Variants in SLC10A7 observed in about 807,000 individuals in gnomAD.
The protein encoded by SLC10A7 is sodium/bile acid cotransporter 7.
In SLC10A7, 29 loss-of-function variants were observed where a neutral mutation model predicts 43.2. That is an observed-to-expected ratio of 0.67 (90% CI 0.50 to 0.92). The LOEUF is 0.92. SLC10A7 is among the 40% of genes least tolerant of loss of function. The probability of loss-of-function intolerance (pLI) is 0.00; values close to 1 mark genes in which losing one functional copy is unlikely to be tolerated. For synonymous variants in SLC10A7, 152 were observed against 144.8 expected (o/e 1.05, Z -0.35); for missense variants, 295 against 403.2 (o/e 0.73, Z 2.30).
intron 3 of SLC10A7, among the ~76,000 whole-genome samples, chr4:146,504,487 C>T (rs1736714854): frequency 7.2e-6 from 1 of 138,692 alleles, no homozygotes; most frequent in Non-Finnish European, 1.5e-5. Context: ...CCACTGCAGT[C>T]CAGCCTGGGC....
At chr4:146,441,239 A>G (rs1730574155) in intron 5 of SLC10A7, among the ~76,000 whole-genome samples, 1 of 152,222 alleles carries the variant, frequency 6.6e-6, no homozygotes, top group African/African-American at 2.4e-5. Flanking sequence ...GGAGTGAAAG[A>G]GCACAATACA....
At chr4:146,277,359 T>A (rs765716341) in intron 10 of SLC10A7, among the ~76,000 whole-genome samples, 18 of 152,166 alleles carry the variant, frequency 1.2e-4, no homozygotes, top group Non-Finnish European at 2.5e-4. Context: ...CTAGCAATGA[T>A]TTTCAGATAC....
intron 5 of SLC10A7, among the ~76,000 whole-genome samples, chr4:146,410,711 T>C (rs1363813557): frequency 6.6e-6 from 1 of 152,102 alleles, no homozygotes; most frequent in Non-Finnish European, 1.5e-5. Context: ...AAAAGAAAAA[T>C]ATTTTAAACC....
At chr4:146,344,375 C>T (rs915826927) in intron 5 of SLC10A7, among the ~76,000 whole-genome samples, 8 of 152,012 alleles carry the variant, frequency 5.3e-5, no homozygotes, top group African/African-American at 1.2e-4. Context: ...AACAGATACA[C>T]GGAAGAAGCG....
chr4:146,388,069 A>G lies in SLC10A7; in HGVS notation c.435+54714T>C, dbSNP rs545314720. Reference sequence around the variant, plus strand: ...CATCATTTTTCACAGAATTAGAAAAACAATTCTAAAATTCACAGGGAACTA... The same window carrying G: ...CATCATTTTTCACAGAATTAGAAAAGCAATTCTAAAATTCACAGGGAACTA... On this transcript the variant is annotated intron_variant, in intron 5 of 11. Transcript: ENST00000335472. Among the ~76,000 whole-genome samples the G allele has an allele frequency of 2.0e-5, 3 of 152,336 alleles. No homozygotes were observed. The South Asian group carries it at 6.2e-4, about 32-fold the overall frequency.
intron 6 of SLC10A7, among the ~76,000 whole-genome samples, chr4:146,311,337 C>T (rs1731965833): frequency 6.6e-6 from 1 of 152,144 alleles, no homozygotes; most frequent in Non-Finnish European, 1.5e-5. Flanking sequence ...TCACAGTTAT[C>T]AACCTACAGT....
At chr4:146,519,335 A>G (rs1043249932) in intron 1 of SLC10A7, among the ~76,000 whole-genome samples, 158 of 145,616 alleles carry the variant, frequency 1.1e-3, no homozygotes, top group African/African-American at 3.9e-3. Context: ...AACATAATAT[A>G]TAATATTATC....
rs540858467 is a variant in SLC10A7, at chr4:146,291,651, T to C, written c.773+1278A>G. 2.8e-3 allele frequency among the ~76,000 whole-genome samples: 429 copies of C among 152,314 alleles called. 1 individual carries two copies. The highest frequency in any genetic ancestry group is 9.7e-3 in the African/African-American group (402 of 41,580). On this transcript the variant is annotated intron_variant, in intron 9 of 11. Transcript: ENST00000335472. ...GTCTCACCATATCTTGATTTTTGTATGTGTCCACATTTGCATTATTGCTTC... is the reference window on the plus strand; with the variant it reads ...GTCTCACCATATCTTGATTTTTGTACGTGTCCACATTTGCATTATTGCTTC...
At chr4:146,384,750 T>C (rs1171303292) in intron 5 of SLC10A7, among the ~76,000 whole-genome samples, 1 of 152,016 alleles carries the variant, frequency 6.6e-6, no homozygotes, top group Non-Finnish European at 1.5e-5. Context: ...TAATCCCCAA[T>C]GTTGGAGGTG....
intron 5 of SLC10A7, among the ~76,000 whole-genome samples, chr4:146,437,442 A>G (rs947791468): frequency 6.6e-5 from 10 of 152,110 alleles, no homozygotes; most frequent in Non-Finnish European, 1.5e-4. Context: ...CATCTATAAG[A>G]TGGTACTGAA....
At chr4:146,399,399 A>ATCCC (rs1739063846) in intron 5 of SLC10A7, among the ~76,000 whole-genome samples, 1 of 152,322 alleles carries the variant, frequency 6.6e-6, no homozygotes, top group South Asian at 2.1e-4. Context: ...AAGAGTTGGG[A>ATCCC]GAGAGTATGG....
chr4:146,409,415 A>G (rs1287362933), intron 5 of SLC10A7, among the ~76,000 whole-genome samples: 2 of 151,634 alleles, frequency 1.3e-5, no homozygotes, highest in East Asian at 3.9e-4. Flanking sequence ...TGGAAAAGGC[A>G]AAACTAAAGG....
intron 5 of SLC10A7, among the ~76,000 whole-genome samples, chr4:146,352,450 C>A (rs1317244042): frequency 7.4e-6 from 1 of 135,218 alleles, no homozygotes; most frequent in Non-Finnish European, 1.6e-5. Context: ...GACTTTAACA[C>A]CCCACTGTCA....
intron 4 of SLC10A7, 98 bp from the exon 5 acceptor site, chr4:146,442,919 C>T: frequency 1.1e-6 from 1 of 884,414 alleles, no homozygotes; most frequent in Non-Finnish European, 1.7e-6. Flanking sequence ...TATTCAAAAC[C>T]TTAAAACATT....
chr4:146,496,045 C>G (rs1036236874), intron 4 of SLC10A7, among the ~76,000 whole-genome samples: 1 of 152,232 alleles, frequency 6.6e-6, no homozygotes, highest in African/African-American at 2.4e-5. Flanking sequence ...GTCTAGATCT[C>G]TAACCTGAAG....
At chr4:146,266,556 A>G (rs780506134) in intron 10 of SLC10A7, among the ~76,000 whole-genome samples, 2 of 152,216 alleles carry the variant, frequency 1.3e-5, no homozygotes, top group African/African-American at 2.4e-5. Context: ...GGGCAATTAT[A>G]CATTTTTTAG....
In SLC10A7 at chr4:146,404,780, G is replaced by A. The variant is rs139499602; in HGVS notation, c.435+38003C>T. Among the ~76,000 whole-genome samples, 657 of 152,036 alleles carry A rather than the reference G, an allele frequency of 4.3e-3. 3 individuals carry two copies. The highest frequency in any genetic ancestry group is 0.014 in the African/African-American group (598 of 41,464). On this transcript the variant is annotated intron_variant, in intron 5 of 11. Coordinates refer to ENST00000335472, the MANE Select transcript of SLC10A7 (RefSeq NM_001029998.6). The stretch of plus-strand genomic sequence containing the variant: ...CCACCGCACCTGGCTTATGTGTTGC[G>A]TCTTTGTTACGTGAACTTTGGATAT...
chr4:146,472,804 T>C (rs942908136), intron 4 of SLC10A7, among the ~76,000 whole-genome samples: 2 of 152,252 alleles, frequency 1.3e-5, no homozygotes, highest in Admixed American at 6.5e-5. Flanking sequence ...ATGCATTTCC[T>C]TATTTATGAT....
At chr4:146,466,054 G>C (rs966771089) in intron 4 of SLC10A7, among the ~76,000 whole-genome samples, 1 of 152,036 alleles carries the variant, frequency 6.6e-6, no homozygotes, top group African/African-American at 2.4e-5. Context: ...AAAAAAAAGT[G>C]GATGCTTTTA....
Sources: allele counts gnomAD v4.1 joint callset (sites outside exome capture counted in the v4.1 genomes callset), GRCh38; gene constraint gnomAD v4.1.1; transcripts MANE v1.5; gene names NCBI Gene and HGNC (gene_info 2026-07-23, HGNC 2026-07-21).